NECAB2: variants seen among roughly 807,000 people sequenced by gnomAD.
NECAB2 encodes N-terminal EF-hand calcium-binding protein 2.
In NECAB2, 68 loss-of-function variants were observed where a neutral mutation model predicts 51.9. The observed-to-expected ratio is 1.31, with a 90% CI of 1.08 to 1.60. The LOEUF is 1.60. Among genes scored for constraint, NECAB2 ranks in the 40% most tolerant of loss-of-function variants. The pLI is 0.00. For synonymous variants in NECAB2, 329 were observed against 203.5 expected (o/e 1.62, Z -5.25); for missense variants, 854 against 490.3 (o/e 1.74, Z -7.00).
At chr16:83,997,433 G>T (rs1269161125) in intron 9 of NECAB2, among the ~76,000 whole-genome samples, 164 bp downstream of exon 9, 5 of 150,498 alleles carry the variant, frequency 3.3e-5, no homozygotes, top group Middle Eastern at 3.5e-3. Context: ...CCTGGCACAG[G>T]AGCCACCCCA....
chr16:84,001,473 C>T (rs987324249), intron 11 of NECAB2, among the ~76,000 whole-genome samples: 4 of 152,156 alleles, frequency 2.6e-5, no homozygotes, highest in East Asian at 1.9e-4. Context: ...TTCAGTGACT[C>T]ATAAAACGAG....
Position 83,986,157 on chromosome 16 carries a change from C to G in NECAB2, c.460-4337C>G, listed in dbSNP as rs570609215. Among the ~76,000 whole-genome samples, 293 of 152,252 alleles carry G rather than the reference C, an allele frequency of 1.9e-3. 1 individual carries two copies. The highest frequency in any genetic ancestry group is 6.8e-3 in the Middle Eastern group (2 of 294). ...TCAGCCTCCCGAGTAGCTGGGATTACAGGCGTGCACCACCACGCCCGGCTA... is the reference window on the plus strand; with the variant it reads ...TCAGCCTCCCGAGTAGCTGGGATTAGAGGCGTGCACCACCACGCCCGGCTA... On this transcript the variant is annotated intron_variant, in intron 5 of 12. Transcript: ENST00000305202.
intron 9 of NECAB2, among the ~76,000 whole-genome samples, chr16:83,997,477 A>T (rs1382008262): frequency 8.5e-5 from 7 of 82,422 alleles, no homozygotes; most frequent in East Asian, 7.8e-4. Flanking sequence ...GGCTCCCTGG[A>T]CCTTTTTTTT....
chr16:83,990,370 TCCTC>T (rs2084606799), intron 5 of NECAB2, 120 bp from the exon 6 acceptor site: 1 of 1,263,790 alleles, frequency 7.9e-7, no homozygotes, highest in Admixed American at 2.0e-5. Context: ...GGCCGTGGGG[TCCTC>T]CCTTCCCTTT....
upstream of NECAB2, chr16:83,965,320 C>T (rs760343662): frequency 4.0e-5 from 64 of 1,581,596 alleles, no homozygotes; most frequent in Non-Finnish European, 5.2e-5. Context: ...CAGGCACGTT[C>T]GACAGCCCGG....
upstream of NECAB2, among the ~76,000 whole-genome samples, chr16:83,968,174 G>C (rs1357735037): frequency 6.6e-6 from 1 of 151,420 alleles, no homozygotes; most frequent in African/African-American, 2.4e-5. Context: ...GCCGCGGGGC[G>C]TGGGCGCCGC....
intron 5 of NECAB2, among the ~76,000 whole-genome samples, chr16:83,985,928 A>G (rs2084547263): frequency 6.6e-6 from 1 of 152,212 alleles, no homozygotes; most frequent in Non-Finnish European, 1.5e-5. Context: ...CTTCGTTATG[A>G]AATACGTGCT....
intron 3 of NECAB2, among the ~76,000 whole-genome samples, chr16:83,980,326 C>A: frequency 6.6e-6 from 1 of 152,186 alleles, no homozygotes; most frequent in East Asian, 1.9e-4. Flanking sequence ...GGCTCATGCT[C>A]AGCCTGCTCC....
At chr16:83,991,070 C>G (rs1597215663) in intron 6 of NECAB2, among the ~76,000 whole-genome samples, 1 of 152,166 alleles carries the variant, frequency 6.6e-6, no homozygotes, top group Admixed American at 6.5e-5. Flanking sequence ...CAACCTCTCC[C>G]TCCCTGGGTT....
At chr16:83,965,590 G>C, upstream of NECAB2, 2 of 1,613,060 alleles carry the variant, frequency 1.2e-6, no homozygotes, top group Admixed American at 1.7e-5. Flanking sequence ...AGTACCACAA[G>C]GTGCACCAGA....
intron 8 of NECAB2, among the ~76,000 whole-genome samples, chr16:83,994,980 G>A (rs993145371): frequency 6.6e-6 from 1 of 152,178 alleles, no homozygotes; most frequent in African/African-American, 2.4e-5. Flanking sequence ...GGTCAGCAGG[G>A]TCCCGTGTTG....
Position 83,998,789 on chromosome 16 carries a change from T to C in NECAB2, c.962+472T>C, listed in dbSNP as rs961479530. Among the ~76,000 whole-genome samples the C allele has an allele frequency of 3.7e-5, 5 of 134,396 alleles. No homozygotes were observed. The South Asian group carries it at 1.1e-3, about 29-fold the overall frequency. 88.2% of individuals were successfully genotyped at this position (134,396 alleles called of 152,430 possible). A position where few individuals can be genotyped will look rare whatever the true frequency, so the allele number is the denominator to read the frequency against. On this transcript the variant is annotated intron_variant, in intron 10 of 12. Transcript: ENST00000305202. The stretch of plus-strand genomic sequence containing the variant: ...TAGCTGAAGGGAAATGCCCAAGTCA[T>C]GTAGTTGCCCTTCTCCCCCTGATGT...
At chr16:84,000,184 G>C (rs72793649) in intron 10 of NECAB2, among the ~76,000 whole-genome samples, 35 of 152,234 alleles carry the variant, frequency 2.3e-4, no homozygotes, top group Non-Finnish European at 3.8e-4. Flanking sequence ...TTACAGGCGT[G>C]AACCATCACA....
Position 83,969,029 on chromosome 16 carries a change from T to A in NECAB2, c.201+180T>A, listed in dbSNP as rs536515352. On this transcript the variant is annotated intron_variant, in intron 1 of 12. Transcript: ENST00000305202. ...CAGCCCCGCCACGTCCAGGCCGGTC[T>A]CCAGCCCAGTCCTCTCCCTGGACCG... Among the ~76,000 whole-genome samples, 761 of 149,076 alleles carry A rather than the reference T, an allele frequency of 5.1e-3. 9 individuals are homozygous for A. The highest frequency in any genetic ancestry group is 0.018 in the African/African-American group (729 of 40,030).
intron 9 of NECAB2, 149 bp downstream of exon 9, chr16:83,997,418 C>T: frequency 4.1e-6 from 4 of 966,328 alleles, no homozygotes; most frequent in South Asian, 1.5e-5. Context: ...GCACCCAGAC[C>T]CTGCCCTGGC....
rs1041565603 is a variant in NECAB2, at chr16:84,000,581, G to A, written c.963-143G>A. 4.8e-6 allele frequency: 3 copies of A among 621,946 alleles called. No individual in the cohort carries two copies. In the African/African-American group the frequency reaches 5.5e-5, roughly 11 times the overall value. 38.5% of individuals were successfully genotyped at this position (621,946 alleles called of 1,614,324 possible). Reference sequence around the variant, plus strand: ...CCCTGTGCTGGGGTCACCCTGTCGAGTCTCGATGGAGGTCAAGACAGGAAG... The same window carrying A: ...CCCTGTGCTGGGGTCACCCTGTCGAATCTCGATGGAGGTCAAGACAGGAAG... On this transcript the variant is annotated intron_variant, in intron 10 of 12. Transcript: ENST00000305202.
At chr16:83,989,136 C>G (rs1298431390) in intron 5 of NECAB2, among the ~76,000 whole-genome samples, 1 of 152,160 alleles carries the variant, frequency 6.6e-6, no homozygotes, top group African/African-American at 2.4e-5. Flanking sequence ...AAATATTTTA[C>G]CAAGTTATGT....
intron 9 of NECAB2, 72 bp from the exon 10 acceptor site, chr16:83,998,133 G>T: frequency 1.5e-6 from 2 of 1,365,758 alleles, no homozygotes; most frequent in Non-Finnish European, 1.0e-6. Flanking sequence ...GGGAGGTCAT[G>T]GGGGCCTGAT....
intron 5 of NECAB2, among the ~76,000 whole-genome samples, chr16:83,981,949 A>C (rs77573382): frequency 0.01 from 1,585 of 152,262 alleles, 20 homozygotes; most frequent in African/African-American, 0.036. Context: ...CTTAGCTGAT[A>C]AAGCCAGCCA....
Sources: allele counts gnomAD v4.1 joint callset (sites outside exome capture counted in the v4.1 genomes callset), GRCh38; gene constraint gnomAD v4.1.1; transcripts MANE v1.5; gene names NCBI Gene and HGNC (gene_info 2026-07-23, HGNC 2026-07-21).